The following RPTOR variants were observed in gnomAD, a reference collection of about 807,000 sequenced individuals.
The protein encoded by RPTOR is regulatory associated protein of MTOR complex 1.
RPTOR carries 21 observed loss-of-function variants against 169.9 expected under a neutral mutation model. That is an observed-to-expected ratio of 0.12 (90% CI 0.09 to 0.18). The LOEUF is 0.18. RPTOR is among the 10% of genes least tolerant of loss of function. The pLI is 1.00. For missense variants in RPTOR, 1,133 were observed against 1,855.9 expected, an observed-to-expected ratio of 0.61 and a Z score of 7.16; for synonymous variants, 732 against 753.2, an observed-to-expected ratio of 0.97 and a Z score of 0.46.
At chr17:80,575,312 G>T (rs923692931) in intron 1 of RPTOR, among the ~76,000 whole-genome samples, 11 of 152,256 alleles carry the variant, frequency 7.2e-5, no homozygotes, top group African/African-American at 2.4e-4. Flanking sequence ...CAGTATTTTT[G>T]TTCAGTTCAA....
intron 1 of RPTOR, among the ~76,000 whole-genome samples, chr17:80,567,520 G>A (rs971186723): frequency 1.3e-5 from 2 of 151,894 alleles, no homozygotes; most frequent in East Asian, 1.9e-4. Context: ...GGCCGGGCGC[G>A]GTGGCTCACG....
intron 2 of RPTOR, among the ~76,000 whole-genome samples, chr17:80,640,778 G>T (rs961576375): frequency 6.7e-6 from 1 of 149,284 alleles, no homozygotes; most frequent in Non-Finnish European, 1.5e-5. Context: ...CCAAGGAGGG[G>T]GTACTCCTTG....
intron 1 of RPTOR, among the ~76,000 whole-genome samples, chr17:80,603,421 G>A (rs1376875840): frequency 6.6e-6 from 1 of 152,192 alleles, no homozygotes; most frequent in Non-Finnish European, 1.5e-5. Flanking sequence ...GACCCTGCGC[G>A]CTTTGCAAGA....
intron 25 of RPTOR, among the ~76,000 whole-genome samples, chr17:80,944,534 G>A (rs1285063117): frequency 6.6e-6 from 1 of 152,184 alleles, no homozygotes; most frequent in East Asian, 1.9e-4. Context: ...TGGGTACTCA[G>A]TGGCTGCCGT....
At chr17:80,779,147 A>C (rs2340771) in intron 6 of RPTOR, among the ~76,000 whole-genome samples, 129,815 of 152,220 alleles carry the variant, frequency 0.85, 55,932 homozygotes, top group East Asian at 1. Flanking sequence ...ACAGACCCCA[A>C]GCTGAATGGT....
intron 1 of RPTOR, among the ~76,000 whole-genome samples, chr17:80,578,996 C>T (rs1439619776): frequency 6.6e-6 from 1 of 152,100 alleles, no homozygotes; most frequent in Non-Finnish European, 1.5e-5. Flanking sequence ...GTTTTGTCCC[C>T]TTGCAACTCT....
chr17:80,925,272 A>G (rs1245807315), intron 23 of RPTOR, 98 bp from the exon 24 acceptor site: 3 of 980,998 alleles, frequency 3.1e-6, no homozygotes, highest in East Asian at 2.6e-5. Flanking sequence ...TGCTCCCGGC[A>G]GCGCCTTTGT....
intron 4 of RPTOR, among the ~76,000 whole-genome samples, chr17:80,712,083 A>T (rs1048970228): frequency 9.9e-5 from 15 of 152,204 alleles, no homozygotes; most frequent in African/African-American, 3.6e-4. Flanking sequence ...TTTTAAGAGC[A>T]GTTTTAATTT....
chr17:80,597,878 A>G (rs2065155749), intron 1 of RPTOR, among the ~76,000 whole-genome samples: 1 of 151,862 alleles, frequency 6.6e-6, no homozygotes, highest in African/African-American at 2.4e-5. Context: ...GGTGTTTCAC[A>G]CCTGCAATCC....
intron 9 of RPTOR, among the ~76,000 whole-genome samples, chr17:80,828,092 T>TTAACCAGGGAGG (rs1163292885): frequency 6.6e-6 from 1 of 152,164 alleles, no homozygotes; most frequent in East Asian, 1.9e-4. Context: ...GAAGTGGTGT[T>TTAACCAGGGAGG]TAACCAGGGA....
chr17:80,636,983 G>A (rs945022654), intron 2 of RPTOR, among the ~76,000 whole-genome samples: 12 of 152,336 alleles, frequency 7.9e-5, no homozygotes, highest in Admixed American at 7.2e-4. Context: ...GTAGATGCAC[G>A]GTGCTGCTTA....
At chr17:80,897,048 C>T (rs1203211955) in intron 20 of RPTOR, among the ~76,000 whole-genome samples, 1 of 152,094 alleles carries the variant, frequency 6.6e-6, no homozygotes, top group Admixed American at 6.5e-5. Context: ...GGGCGGATCA[C>T]GAGGTCAGGA....
At chr17:80,553,765 G>A (rs1252673289) in intron 1 of RPTOR, among the ~76,000 whole-genome samples, 3 of 150,374 alleles carry the variant, frequency 2.0e-5, no homozygotes, top group South Asian at 2.1e-4. Context: ...TTTTTAAGAC[G>A]GAATCTTGCT....
At chr17:80,942,750 G>A (rs2069048787) in intron 25 of RPTOR, among the ~76,000 whole-genome samples, 1 of 152,268 alleles carries the variant, frequency 6.6e-6, no homozygotes, top group South Asian at 2.1e-4. Context: ...AGACGGGGTT[G>A]GGAAAGCCCT....
Position 80,923,492 on chromosome 17 carries a change from G to A in RPTOR, c.2627G>A (p.Gly876Asp). The A allele has an allele frequency of 6.2e-7, 1 of 1,613,412 alleles. No individual in the cohort carries two copies. The highest frequency in any genetic ancestry group is 8.5e-7 in the Non-Finnish European group (1 of 1,179,948). The change falls in exon 23 of 34, where the codon GGC (glycine) becomes GAC (aspartate). Residue 876 changes from glycine (G) to aspartate (D), a missense_variant and splice_region_variant. Physicochemically the swap from Gly to Asp is moderately conservative, Grantham distance 94. This residue lies in a region of RPTOR where 123 missense variants were observed against 129.0 expected (regional missense o/e 0.95). Coordinates refer to ENST00000306801, the MANE Select transcript of RPTOR (RefSeq NM_020761.3). ...GTTTGTTTTTCTTCCAATGGCAGGGGCTCCCCTCCGGCGTCCAGCACCAGC... is the reference window on the plus strand; with the variant it reads ...GTTTGTTTTTCTTCCAATGGCAGGGACTCCCCTCCGGCGTCCAGCACCAGC... ...NKGVHIHQAG[G>D]SPPASSTSSS... is the part of the protein sequence containing the mutation.
intron 3 of RPTOR, among the ~76,000 whole-genome samples, chr17:80,674,009 T>C (rs1289537692): frequency 6.6e-6 from 1 of 152,252 alleles, no homozygotes; most frequent in Non-Finnish European, 1.5e-5. Flanking sequence ...TTAAAATTAA[T>C]TGTCCACTTG....
chr17:80,743,407 A>C (rs1282836873), intron 5 of RPTOR: 43 of 985,386 alleles, frequency 4.4e-5, no homozygotes, highest in Non-Finnish European at 5.2e-5. Context: ...AGAACGTAAG[A>C]AGTTGCCAGC....
At chr17:80,737,939 C>T (rs944376816) in intron 5 of RPTOR, among the ~76,000 whole-genome samples, 1 of 152,018 alleles carries the variant, frequency 6.6e-6, no homozygotes, top group Non-Finnish European at 1.5e-5. Context: ...ACAGTAGAAA[C>T]CCCTTTAATT....
intron 1 of RPTOR, among the ~76,000 whole-genome samples, chr17:80,605,488 G>A (rs1190611737): frequency 6.6e-6 from 1 of 152,182 alleles, no homozygotes; most frequent in Non-Finnish European, 1.5e-5. Flanking sequence ...TGTCCGTGAT[G>A]AGTTGAGGAA....
Sources: gnomAD v4.1 joint callset for allele counts (sites outside exome capture counted in the v4.1 genomes callset) on GRCh38, gnomAD v4.1.1 for gene constraint, gnomAD v4.1.1 regional missense constraint, MANE v1.5 for transcripts, NCBI Gene and HGNC (gene_info 2026-07-23, HGNC 2026-07-21) for gene names.